SRSF5: variants seen among roughly 807,000 people sequenced by gnomAD.
The protein encoded by SRSF5 is serine and arginine rich splicing factor 5, also known as serine/arginine-rich splicing factor 5.
A neutral mutation model predicts 34.0 loss-of-function variants in SRSF5; 5 were observed. The ratio of observed to expected loss-of-function variants is 0.15; its 90% CI spans 0.08 to 0.31. The LOEUF is 0.31. SRSF5 is among the 10% of genes least tolerant of loss of function. The pLI, the probability that SRSF5 is intolerant of heterozygous loss-of-function variation, is 1.00. For synonymous variants in SRSF5, 164 were observed against 117.7 expected (o/e 1.39, Z -2.55); for missense variants, 223 against 351.4 (o/e 0.63, Z 2.92).
At position 69,767,642 on chromosome 14, in the gene SRSF5, C is replaced by T. The variant is rs571212793; in HGVS notation, c.-20+387C>T. On this transcript the variant is annotated intron_variant, in intron 1 of 7. Coordinates refer to ENST00000557154, the MANE Select transcript of SRSF5 (RefSeq NM_001320214.2). ...GAGGAGAAGGGAAGAGGGAATTTGG[C>T]ACGCGCAGCTCTGCTGCCTTTGATT... is the stretch of plus-strand genomic sequence containing the variant. The T allele has an allele frequency of 1.1e-3, 469 of 424,734 alleles. 2 individuals are homozygous for T. Among genetic ancestry groups the T allele is most frequent in the Admixed American group, 2.9e-3 (107 of 37,532 alleles). The allele number at this position is 424,734 out of a possible 1,614,324, so 26.3% of individuals were successfully genotyped here. A position where few individuals can be genotyped will look rare whatever the true frequency, so the allele number is the denominator to read the frequency against.
chr14:69,771,828 G>T lies in SRSF5; in HGVS notation c.*367G>T, dbSNP rs944437587. The T allele has an allele frequency of 9.8e-6, 2 of 203,894 alleles. No homozygotes were observed. Among genetic ancestry groups the T allele is most frequent in the Non-Finnish European group, 2.0e-5 (2 of 99,596 alleles). 12.6% of individuals were successfully genotyped at this position (203,894 alleles called of 1,614,324 possible). The stretch of plus-strand genomic sequence containing the variant: ...AATGTTAATTCAGAATTAGTTTAAT[G>T]CCTTAATTAAACTAATTAATAGCTT... On this transcript the variant is annotated 3_prime_UTR_variant, in exon 8 of 8. Coordinates refer to ENST00000557154, the MANE Select transcript of SRSF5 (RefSeq NM_001320214.2).
intron 6 of SRSF5, 66 bp from the exon 7 acceptor site, chr14:69,770,929 C>T (rs961603308): frequency 5.9e-6 from 8 of 1,358,222 alleles, no homozygotes; most frequent in East Asian, 2.3e-5. Context: ...CTTACCTAGA[C>T]TGCTGTGTGC....
chr14:69,770,249 T>A (rs1594753091), intron 5 of SRSF5: 4 of 1,339,260 alleles, frequency 3.0e-6, no homozygotes, highest in Middle Eastern at 2.8e-4. Flanking sequence ...AAATCTGAAT[T>A]TCTTTTAGCA....
Position 69,771,300 on chromosome 14 carries a change from A to AGGAGCC in SRSF5, c.670_675dup (p.Arg224_Ser225dup), listed in dbSNP as rs537239443. 3.6e-5 allele frequency: 58 copies of AGGAGCC among 1,614,008 alleles called. No individual in the cohort carries two copies. The highest frequency in any genetic ancestry group is 1.3e-4 in the East Asian group (6 of 44,900). ...TTACAGCCGGTCAAGAAGCAGGAGCAGGAGCCGGAGCCGGAGCAAGTCCCG... is the reference window on the plus strand; with the variant it reads ...TTACAGCCGGTCAAGAAGCAGGAGCAGGAGCCGGAGCCGGAGCCGGAGCAAGTCCCG... On this transcript the variant is annotated inframe_insertion, in exon 8 of 8. Coordinates refer to ENST00000557154, the MANE Select transcript of SRSF5 (RefSeq NM_001320214.2).
chr14:69,770,671 C>A, intron 6 of SRSF5, 131 bp downstream of exon 6: 1 of 833,030 alleles, frequency 1.2e-6, no homozygotes, highest in Non-Finnish European at 1.9e-6. Flanking sequence ...CTGCTTCCCT[C>A]CTCCCCCCCA....
chr14:69,770,681 A>C, intron 6 of SRSF5, 141 bp downstream of exon 6: 1 of 782,630 alleles, frequency 1.3e-6, no homozygotes, highest in Admixed American at 2.5e-5. Context: ...CCTCCCCCCC[A>C]CACCTTTGGC....
chr14:69,770,833 CAG>C (rs746907866), intron 6 of SRSF5, 160 bp from the exon 7 acceptor site: 1 of 715,880 alleles, frequency 1.4e-6, no homozygotes, highest in Non-Finnish European at 2.3e-6. Flanking sequence ...CAAAGTATAA[CAG>C]TGCCAAAACT....
chr14:69,769,760 C>A, intron 5 of SRSF5: 2 of 1,366,790 alleles, frequency 1.5e-6, no homozygotes, highest in Non-Finnish European at 1.9e-6. Context: ...TCCTGTAACG[C>A]TTCCGAATAA....
chr14:69,770,688 T>C, intron 6 of SRSF5, 148 bp downstream of exon 6: 1 of 758,436 alleles, frequency 1.3e-6, no homozygotes. Context: ...CCCACACCTT[T>C]GGCAGTGTCT....
chr14:69,770,392 G>GT (rs778778587), intron 5 of SRSF5, 75 bp from the exon 6 acceptor site: 101 of 1,565,292 alleles, frequency 6.5e-5, no homozygotes, highest in Admixed American at 9.8e-5. Context: ...CAGTAGTCTT[G>GT]TTTTTTTTAT....
intron 4 of SRSF5, 66 bp from the exon 5 acceptor site, chr14:69,769,116 C>G: frequency 6.3e-7 from 1 of 1,577,912 alleles, no homozygotes; most frequent in South Asian, 1.1e-5. Context: ...CTTGAACTTG[C>G]CCACAGTTGA....
At position 69,767,217 on chromosome 14, in the gene SRSF5, C is replaced by A. The variant is rs375552260; in HGVS notation, c.-58C>A. On this transcript the variant is annotated 5_prime_UTR_variant, in exon 1 of 8. Transcript: ENST00000557154. ...CGACGACTCCGTCGCAGACTACGGACCTGTCTGGGTCTCAGCCGCCAAAGA... is the reference window on the plus strand; with the variant it reads ...CGACGACTCCGTCGCAGACTACGGAACTGTCTGGGTCTCAGCCGCCAAAGA... 8.2e-6 allele frequency: 3 copies of A among 366,526 alleles called. No homozygotes were observed. The highest frequency in any genetic ancestry group is 1.6e-5 in the Non-Finnish European group (3 of 189,018). The allele number at this position is 366,526 out of a possible 1,614,324, so 22.7% of individuals were successfully genotyped here. A position where few individuals can be genotyped will look rare whatever the true frequency, so the allele number is the denominator to read the frequency against.
chr14:69,768,514 T>A, intron 2 of SRSF5, 90 bp from the exon 3 acceptor site: 1 of 1,352,914 alleles, frequency 7.4e-7, no homozygotes, highest in Non-Finnish European at 1.1e-6. Context: ...AAGATACTCT[T>A]CCCATTCTGT....
intron 2 of SRSF5, 146 bp downstream of exon 2, chr14:69,768,428 A>G: frequency 1.5e-6 from 2 of 1,341,676 alleles, no homozygotes; most frequent in Non-Finnish European, 2.1e-6. Context: ...GCTGAAAACA[A>G]CTTTAACTTG....
Position 69,771,653 on chromosome 14 carries a change from A to G in SRSF5, c.*192A>G. On this transcript the variant is annotated 3_prime_UTR_variant, in exon 8 of 8. Coordinates refer to ENST00000557154, the MANE Select transcript of SRSF5 (RefSeq NM_001320214.2). Reference sequence around the variant, plus strand: ...GGGGTTGTTGAAAACTAATTGTATTAAATGTCTTTTGATAAGCCTTCTGCT... The same window carrying G: ...GGGGTTGTTGAAAACTAATTGTATTGAATGTCTTTTGATAAGCCTTCTGCT... 1.6e-6 allele frequency: 1 copy of G among 644,404 alleles called. No individual in the cohort carries two copies. The allele number at this position is 644,404 out of a possible 1,614,324, so 39.9% of individuals were successfully genotyped here.
intron 5 of SRSF5, chr14:69,770,261 T>G (rs1883041944): frequency 5.9e-6 from 8 of 1,357,472 alleles, no homozygotes; most frequent in Middle Eastern, 2.7e-4. Flanking sequence ...CTTTTAGCAT[T>G]TTGCTTAAAA....
rs749771691 is a variant in SRSF5, at chr14:69,771,271, A to C, written c.629A>C (p.Lys210Thr). Residue 210 changes from lysine to threonine, a missense_variant, in exon 8 of 8, where the codon AAA (lysine) becomes ACA (threonine). By Grantham distance (78) the Lys-to-Thr change is moderately conservative. Around this residue, in one of 4 missense-constraint regions of SRSF5, gnomAD observed 115 missense variants for 119.7 expected, o/e 0.96. Coordinates refer to ENST00000557154, the MANE Select transcript of SRSF5 (RefSeq NM_001320214.2). ...SRSRSRSRSR[K>T]SYSRSRSRSR... ...AGCCGATCCCGTTCCCGTAGTCGCA[A>C]ATCTTACAGCCGGTCAAGAAGCAGG... 5 of 1,614,044 alleles carry C rather than the reference A, an allele frequency of 3.1e-6. No individual in the cohort carries two copies. In the African/African-American group the frequency reaches 6.7e-5, roughly 22 times the overall value.
At position 69,768,195 on chromosome 14, in the gene SRSF5, A is replaced by C; in HGVS notation, c.39A>C (p.Pro13=). The C allele has an allele frequency of 6.2e-7, 1 of 1,614,240 alleles. No homozygotes were observed. Among genetic ancestry groups the C allele is most frequent in the Non-Finnish European group, 8.5e-7 (1 of 1,180,042 alleles). ...GCRVFIGRLN[P]AAREKDVERF... ...GGGTATTCATCGGGAGACTAAATCC[A>C]GCGGCCAGGGAGAAGGACGTGGAAA... Residue 13 remains proline, a synonymous_variant, in exon 2 of 8, where the codon CCA becomes CCC. Coordinates refer to ENST00000557154, the MANE Select transcript of SRSF5 (RefSeq NM_001320214.2).
intron 5 of SRSF5, chr14:69,769,815 G>T: frequency 1.3e-5 from 17 of 1,327,524 alleles, no homozygotes; most frequent in Non-Finnish European, 1.6e-5. Flanking sequence ...TTAGGTGGTC[G>T]TTGGAATCCT....
Sources: gnomAD v4.1 joint callset for allele counts on GRCh38, gnomAD v4.1.1 for gene constraint, gnomAD v4.1.1 regional missense constraint, MANE v1.5 for transcripts, NCBI Gene and HGNC (gene_info 2026-07-23, HGNC 2026-07-21) for gene names.